The following MARCHF1 variants were observed in gnomAD, a reference collection of about 807,000 sequenced individuals.
MARCHF1 encodes E3 ubiquitin-protein ligase MARCHF1.
A neutral mutation model predicts 54.2 loss-of-function variants in MARCHF1; 40 were observed. The ratio of observed to expected loss-of-function variants is 0.74; its 90% CI spans 0.57 to 0.96. The LOEUF is 0.96. MARCHF1 is among the 40% of genes least tolerant of loss of function. The pLI is 0.00. For missense variants in MARCHF1, 586 were observed against 656.5 expected (o/e 0.89, Z 1.17); for synonymous variants, 236 against 236.3 (o/e 1.00, Z 0.01).
chr4:164,132,586 G>A (rs991827120), intron 1 of MARCHF1, among the ~76,000 whole-genome samples: 3 of 152,008 alleles, frequency 2.0e-5, no homozygotes, highest in African/African-American at 4.8e-5. Flanking sequence ...TATTTTAAGC[G>A]CACATTTTTC....
intron 8 of MARCHF1, among the ~76,000 whole-genome samples, chr4:163,555,680 T>C (rs1739260789): frequency 6.6e-6 from 1 of 152,292 alleles, no homozygotes; most frequent in South Asian, 2.1e-4. Context: ...TAATTATGGA[T>C]TGTGGCTTCA....
intron 4 of MARCHF1, among the ~76,000 whole-genome samples, chr4:163,782,497 C>T (rs1014648127): frequency 1.3e-5 from 2 of 151,706 alleles, no homozygotes; most frequent in Non-Finnish European, 2.9e-5. Flanking sequence ...ATAGTGAAAC[C>T]CCGTCTCTAC....
chr4:163,574,674 A>G (rs1739975829), intron 8 of MARCHF1, among the ~76,000 whole-genome samples: 1 of 151,594 alleles, frequency 6.6e-6, no homozygotes, highest in Admixed American at 6.6e-5. Context: ...ATTGATCTAT[A>G]TCTCTGTTTT....
intron 1 of MARCHF1, among the ~76,000 whole-genome samples, chr4:164,182,313 T>C (rs992493879): frequency 1.3e-5 from 2 of 151,948 alleles, no homozygotes; most frequent in African/African-American, 4.8e-5. Context: ...AATAAATATA[T>C]AGCAATTTTT....
intron 7 of MARCHF1, among the ~76,000 whole-genome samples, chr4:163,607,815 AT>A (rs772966087): frequency 1.3e-5 from 2 of 152,122 alleles, no homozygotes; most frequent in African/African-American, 2.4e-5. Context: ...CATTTTAAAA[AT>A]ACAAGTTAAT....
At chr4:163,986,246 C>CCTTTTTTTTTTTTTTT (rs1752860812) in intron 3 of MARCHF1, among the ~76,000 whole-genome samples, 1 of 73,758 alleles carries the variant, frequency 1.4e-5, no homozygotes, top group African/African-American at 4.5e-5. Context: ...TAATTAACCT[C>CCTTTTTTTTTTTTTTT]TTCTTTTTTT....
intron 1 of MARCHF1, among the ~76,000 whole-genome samples, chr4:164,173,454 AAAT>A (rs1448655922): frequency 1.3e-5 from 2 of 152,226 alleles, no homozygotes; most frequent in African/African-American, 4.8e-5. Flanking sequence ...TGTTAGATTA[AAAT>A]AATAATGGCA....
chr4:164,310,870 T>C (rs962579163), intron 1 of MARCHF1, among the ~76,000 whole-genome samples: 1 of 152,146 alleles, frequency 6.6e-6, no homozygotes, highest in Non-Finnish European at 1.5e-5. Context: ...AGAAGATAAA[T>C]ATTGATTTTT....
At chr4:164,032,328 T>C (rs1449798704) in intron 2 of MARCHF1, among the ~76,000 whole-genome samples, 1 of 152,190 alleles carries the variant, frequency 6.6e-6, no homozygotes, top group Non-Finnish European at 1.5e-5. Context: ...CATGTTACTA[T>C]CTCCTTCGGT....
chr4:163,872,832 CAGGAAATCGAG>C (rs955173834), intron 3 of MARCHF1, among the ~76,000 whole-genome samples: 9 of 151,734 alleles, frequency 5.9e-5, no homozygotes, highest in African/African-American at 2.2e-4. Flanking sequence ...ATCATGAGGT[CAGGAAATCGAG>C]ACCATCCTGG....
chr4:163,718,608 T>C (rs188668837), intron 4 of MARCHF1, among the ~76,000 whole-genome samples: 8 of 152,326 alleles, frequency 5.3e-5, no homozygotes, highest in African/African-American at 1.9e-4. Context: ...AGTCATTATG[T>C]TTCAGCCATT....
intron 2 of MARCHF1, among the ~76,000 whole-genome samples, chr4:164,096,111 C>T (rs1340737058): frequency 1.3e-5 from 2 of 152,156 alleles, no homozygotes; most frequent in Admixed American, 6.5e-5. Context: ...AAGACACATG[C>T]ACTCATATGT....
chr4:164,244,673 G>GT (rs1327617050), intron 1 of MARCHF1, among the ~76,000 whole-genome samples: 2 of 151,110 alleles, frequency 1.3e-5, no homozygotes, highest in African/African-American at 4.9e-5. Context: ...CCAGGAGCTG[G>GT]TTTTTTGAAA....
intron 9 of MARCHF1, among the ~76,000 whole-genome samples, chr4:163,545,012 G>A (rs1738849921): frequency 6.6e-6 from 1 of 152,130 alleles, no homozygotes. Context: ...TCTGTTTTAA[G>A]TGACTTACCC....
intron 8 of MARCHF1, among the ~76,000 whole-genome samples, chr4:163,553,326 T>C (rs1186623224): frequency 6.6e-6 from 1 of 152,228 alleles, no homozygotes; most frequent in Admixed American, 6.5e-5. Flanking sequence ...TCTTACTGTC[T>C]AGATTAATGC....
chr4:164,262,090 G>C (rs1035986977), intron 1 of MARCHF1, among the ~76,000 whole-genome samples: 3 of 145,518 alleles, frequency 2.1e-5, no homozygotes, highest in African/African-American at 5.1e-5. Context: ...GGGTGACAGA[G>C]CTAGTCCCTA....
chr4:163,576,464 G>A (rs888461751), intron 8 of MARCHF1, among the ~76,000 whole-genome samples: 3 of 152,048 alleles, frequency 2.0e-5, no homozygotes, highest in Non-Finnish European at 4.4e-5. Context: ...GGCTCAGCAT[G>A]TAGTTGATCT....
intron 1 of MARCHF1, among the ~76,000 whole-genome samples, chr4:164,251,128 T>C (rs1166065077): frequency 6.6e-6 from 1 of 152,194 alleles, no homozygotes; most frequent in Non-Finnish European, 1.5e-5. Context: ...ATTAAATATT[T>C]AGTATAAACT....
At chr4:163,860,033 C>G (rs1749880918) in intron 3 of MARCHF1, among the ~76,000 whole-genome samples, 1 of 152,128 alleles carries the variant, frequency 6.6e-6, no homozygotes, top group Non-Finnish European at 1.5e-5. Flanking sequence ...AGTCATCACT[C>G]CCATTCTTAT....
Sources: gnomAD v4.1 joint callset for allele counts (sites outside exome capture counted in the v4.1 genomes callset) on GRCh38, gnomAD v4.1.1 for gene constraint, MANE v1.5 for transcripts, NCBI Gene and HGNC (gene_info 2026-07-23, HGNC 2026-07-21) for gene names.